The following CSMD1 variants were observed in gnomAD, a reference collection of about 807,000 sequenced individuals.
CSMD1 encodes CUB and Sushi multiple domains 1.
CSMD1 carries 213 observed loss-of-function variants against 417.5 expected under a neutral mutation model. That is an observed-to-expected ratio of 0.51 (90% CI 0.46 to 0.57). CSMD1 has a LOEUF of 0.57. Among genes scored for constraint, CSMD1 ranks in the 20% least tolerant of loss-of-function variants. The pLI is 0.00. For synonymous variants in CSMD1, 2,862 were observed against 1,736.8 expected (o/e 1.65, Z -16.11); for missense variants, 6,923 against 4,529.7 (o/e 1.53, Z -15.17).
chr8:4,774,398 T>C (rs1017873926), intron 1 of CSMD1, among the ~76,000 whole-genome samples: 18 of 152,230 alleles, frequency 1.2e-4, no homozygotes, highest in African/African-American at 3.6e-4. Flanking sequence ...CCACCTCCAG[T>C]TGGAAACATC....
intron 26 of CSMD1, among the ~76,000 whole-genome samples, chr8:3,236,002 C>T (rs1248250527): frequency 1.3e-5 from 2 of 148,154 alleles, no homozygotes; most frequent in African/African-American, 2.5e-5. Flanking sequence ...ACTGCAAGCT[C>T]CGCCTTCCGG....
chr8:3,405,159 C>T (rs993845960), intron 15 of CSMD1, among the ~76,000 whole-genome samples: 2 of 152,102 alleles, frequency 1.3e-5, no homozygotes, highest in African/African-American at 4.8e-5. Context: ...TCTATGCTAA[C>T]AAGATAGACA....
chr8:3,533,824 T>C (rs1012398393), intron 10 of CSMD1, among the ~76,000 whole-genome samples: 2 of 152,196 alleles, frequency 1.3e-5, no homozygotes, highest in Admixed American at 6.5e-5. Context: ...ACTTTTTTTC[T>C]CCCAAGTAGC....
At chr8:4,797,186 T>G (rs189157256) in intron 1 of CSMD1, among the ~76,000 whole-genome samples, 172 of 152,332 alleles carry the variant, frequency 1.1e-3, no homozygotes, top group African/African-American at 3.8e-3. Flanking sequence ...GGCAGGCAGC[T>G]GACTGAAGCC....
intron 7 of CSMD1, among the ~76,000 whole-genome samples, chr8:3,675,252 G>C (rs1355159955): frequency 2.0e-5 from 3 of 152,126 alleles, no homozygotes; most frequent in Admixed American, 1.3e-4. Context: ...TCATTGACCT[G>C]GCTGGCATGT....
chr8:3,491,738 G>C lies in CSMD1; in HGVS notation c.1448+1885C>G, dbSNP rs1235263473. ...AGTAATCAATAAATAAGGGGATAAG[G>C]TGAGTATAACAGACTGCATCTTTTT... is the stretch of plus-strand genomic sequence containing the variant. On this transcript the variant is annotated intron_variant, in intron 11 of 69. Coordinates refer to ENST00000635120, the MANE Select transcript of CSMD1 (RefSeq NM_033225.6). 4.6e-5 allele frequency among the ~76,000 whole-genome samples: 7 copies of C among 152,202 alleles called. 1 individual carries two copies. In the South Asian group the frequency reaches 1.5e-3, roughly 32 times the overall value.
At chr8:4,532,228 A>T (rs1178130364) in intron 2 of CSMD1, among the ~76,000 whole-genome samples, 3 of 146,334 alleles carry the variant, frequency 2.1e-5, no homozygotes, top group Non-Finnish European at 4.5e-5. Context: ...ATTCACAGTC[A>T]CTCCGGAAGA....
chr8:4,879,827 G>C (rs1226141218), intron 1 of CSMD1, among the ~76,000 whole-genome samples: 1 of 152,170 alleles, frequency 6.6e-6, no homozygotes, highest in East Asian at 1.9e-4. Context: ...ATCATGTTGT[G>C]TAAGATAAAA....
chr8:4,886,149 C>G (rs897194254), intron 1 of CSMD1, among the ~76,000 whole-genome samples: 2 of 151,964 alleles, frequency 1.3e-5, no homozygotes, highest in Non-Finnish European at 2.9e-5. Context: ...TGCCACGACT[C>G]CCAGCTAATT....
chr8:4,917,417 A>G (rs1157617622), intron 1 of CSMD1, among the ~76,000 whole-genome samples: 4 of 152,122 alleles, frequency 2.6e-5, no homozygotes, highest in Admixed American at 6.5e-5. Context: ...GGCAGACTAC[A>G]AGGTCAGGAG....
chr8:3,244,383 C>T (rs1310031497), intron 26 of CSMD1, among the ~76,000 whole-genome samples: 1 of 152,148 alleles, frequency 6.6e-6, no homozygotes, highest in Admixed American at 6.5e-5. Flanking sequence ...TGTCCTCCCC[C>T]ATTACCCTGG....
chr8:3,674,681 C>G (rs1309105154), intron 7 of CSMD1, among the ~76,000 whole-genome samples: 1 of 151,960 alleles, frequency 6.6e-6, no homozygotes, highest in African/African-American at 2.4e-5. Flanking sequence ...GCCATATAAC[C>G]AGCAGAGGCA....
intron 24 of CSMD1, among the ~76,000 whole-genome samples, 173 bp downstream of exon 24, chr8:3,308,139 C>T (rs1006205394): frequency 6.6e-6 from 1 of 151,982 alleles, no homozygotes; most frequent in African/African-American, 2.4e-5. Context: ...AACTGTCTTT[C>T]ATAGCTGAAA....
At chr8:4,254,373 G>A (rs1803296370) in intron 3 of CSMD1, among the ~76,000 whole-genome samples, 2 of 152,158 alleles carry the variant, frequency 1.3e-5, no homozygotes, top group African/African-American at 2.4e-5. Context: ...GTAATGGGCT[G>A]CATGACGATG....
intron 2 of CSMD1, among the ~76,000 whole-genome samples, chr8:4,424,570 G>C (rs532232825): frequency 2.0e-5 from 3 of 151,980 alleles, no homozygotes; most frequent in Non-Finnish European, 2.9e-5. Context: ...CTAGAACGTG[G>C]AGAAAATTGG....
chr8:3,764,800 G>T (rs73498846), intron 5 of CSMD1, among the ~76,000 whole-genome samples: 1,807 of 147,966 alleles, frequency 0.012, 34 homozygotes, highest in African/African-American at 0.043. Flanking sequence ...AGGCTGGAGT[G>T]CAGGGGCACC....
At chr8:3,944,301 C>T (rs1218388488) in intron 5 of CSMD1, among the ~76,000 whole-genome samples, 1 of 151,912 alleles carries the variant, frequency 6.6e-6, no homozygotes, top group Non-Finnish European at 1.5e-5. Context: ...CAGTTTGAGC[C>T]CCGGATAATT....
chr8:3,268,282 ATTTCCTATTTTTT>A (rs1801580030), intron 26 of CSMD1, among the ~76,000 whole-genome samples: 1 of 113,226 alleles, frequency 8.8e-6, no homozygotes, highest in Admixed American at 1.0e-4. Flanking sequence ...CAGATGGTTC[ATTTCCTATTTTTT>A]TTTTTTTTTT....
intron 52 of CSMD1, among the ~76,000 whole-genome samples, chr8:3,007,453 T>G (rs1041728990): frequency 5.3e-5 from 8 of 151,224 alleles, no homozygotes; most frequent in Non-Finnish European, 1.2e-4. Flanking sequence ...ATCATGCTGC[T>G]ATAAAGACAC....
Sources: allele counts gnomAD v4.1 joint callset (sites outside exome capture counted in the v4.1 genomes callset), GRCh38; gene constraint gnomAD v4.1.1; transcripts MANE v1.5; gene names NCBI Gene and HGNC (gene_info 2026-07-23, HGNC 2026-07-21).